Variants in LRP1B observed in about 807,000 individuals in gnomAD.
The protein encoded by LRP1B is LDL receptor related protein 1B, also known as low-density lipoprotein receptor-related protein 1B.
Under a neutral mutation model 556.6 loss-of-function variants are expected in LRP1B, and 217 were observed. The ratio of observed to expected loss-of-function variants is 0.39; its 90% CI spans 0.35 to 0.44. The LOEUF (loss-of-function observed/expected upper bound fraction) is 0.44. LRP1B is among the 20% of genes least tolerant of loss of function. The pLI, the probability that LRP1B is intolerant of heterozygous loss-of-function variation, is 1.00. For synonymous variants in LRP1B, 2,047 were observed against 1,865.8 expected (o/e 1.10, Z -2.50); for missense variants, 5,053 against 5,620.8 (o/e 0.90, Z 3.23).
At chr2:140,807,592 C>G (rs1207539726) in intron 32 of LRP1B, among the ~76,000 whole-genome samples, 3 of 149,040 alleles carry the variant, frequency 2.0e-5, no homozygotes, top group African/African-American at 7.4e-5. Context: ...ATCTCGTGAT[C>G]CACCTGCCTC....
chr2:141,394,321 A>G (rs1205196317), intron 3 of LRP1B, among the ~76,000 whole-genome samples: 1 of 152,136 alleles, frequency 6.6e-6, no homozygotes, highest in Admixed American at 6.6e-5. Context: ...TTAAGAGATT[A>G]TGAAAAATGG....
intron 1 of LRP1B, among the ~76,000 whole-genome samples, chr2:142,057,971 A>G (rs543886158): frequency 1.1e-3 from 173 of 152,184 alleles, no homozygotes; most frequent in African/African-American, 3.8e-3. Context: ...TTTATATTCA[A>G]AGTCAGGATT....
chr2:141,109,687 T>C (rs995649665), intron 7 of LRP1B, among the ~76,000 whole-genome samples: 1 of 150,148 alleles, frequency 6.7e-6, no homozygotes, highest in African/African-American at 2.5e-5. Flanking sequence ...AAAAATACTT[T>C]GGAGGATAAG....
rs1687154996 is a variant in LRP1B at position 140,457,615 on chromosome 2, G to T, written c.9662C>A (p.Thr3221Lys). ...NQDIPGVIAL[T>K]LFEDYIYWTD... ...CCAGTAGATGTAGTCTTCAAACAAT[G>T]TTAGTGCAATCACCCCTGGAATATC... is the stretch of plus-strand genomic sequence containing the variant. The change falls in exon 61 of 91, where the codon ACA becomes AAA. Residue 3221 changes from threonine (T) to lysine (K), a missense_variant. Physicochemically the swap from Thr to Lys is moderately conservative, Grantham distance 78. Around this residue, in one of 5 missense-constraint regions of LRP1B, gnomAD observed 262 missense variants for 395.1 expected, o/e 0.66. Coordinates refer to ENST00000389484, the MANE Select transcript of LRP1B (RefSeq NM_018557.3). 6.2e-7 allele frequency: 1 copy of T among 1,613,614 alleles called. No homozygotes were observed.
chr2:140,333,693 T>C (rs1038865123), intron 79 of LRP1B, among the ~76,000 whole-genome samples: 1 of 152,026 alleles, frequency 6.6e-6, no homozygotes, highest in Non-Finnish European at 1.5e-5. Context: ...TGTGGAGGTA[T>C]AGTCGGTGGA....
At chr2:140,848,046 A>G (rs1397491383) in intron 29 of LRP1B, among the ~76,000 whole-genome samples, 1 of 152,098 alleles carries the variant, frequency 6.6e-6, no homozygotes, top group East Asian at 1.9e-4. Flanking sequence ...TTTGCTCTTT[A>G]TAATTCACAG....
intron 2 of LRP1B, among the ~76,000 whole-genome samples, chr2:141,694,789 G>A (rs1348031127): frequency 5.3e-5 from 8 of 151,982 alleles, no homozygotes; most frequent in African/African-American, 1.9e-4. Flanking sequence ...GATGAGAAAG[G>A]CATCTTGTTG....
chr2:141,331,118 G>A (rs745712057), intron 3 of LRP1B, among the ~76,000 whole-genome samples: 1 of 152,120 alleles, frequency 6.6e-6, no homozygotes, highest in Non-Finnish European at 1.5e-5. Flanking sequence ...TTTGGCATTG[G>A]TGTGAGAGGT....
At position 140,716,711 on chromosome 2, in the gene LRP1B, A is replaced by G; in HGVS notation, c.5864T>C (p.Val1955Ala). 3.7e-6 allele frequency: 6 copies of G among 1,610,326 alleles called. No individual in the cohort carries two copies. The highest frequency in any genetic ancestry group is 5.1e-6 in the Non-Finnish European group (6 of 1,177,988). The change falls in exon 36 of 91, where the codon GTG becomes GCG. Residue 1955 changes from valine to alanine, a missense_variant. Coordinates refer to ENST00000389484, the MANE Select transcript of LRP1B (RefSeq NM_018557.3). The part of the protein sequence containing the change: ...EDIITNGLGR[V>A]EGIAVDWIAG... ...AATCCAGTCAACAGCTATCCCTTCC[A>G]CTCTTCCCAAGCCATTGGTAATGAT... is the stretch of plus-strand genomic sequence containing the variant.
chr2:140,405,997 G>A (rs900354098), intron 66 of LRP1B, among the ~76,000 whole-genome samples: 1 of 152,026 alleles, frequency 6.6e-6, no homozygotes, highest in Admixed American at 6.6e-5. Flanking sequence ...TACATCATGA[G>A]CAAGTGTGTT....
chr2:141,410,217 C>A (rs577269845), intron 3 of LRP1B, among the ~76,000 whole-genome samples: 1 of 151,996 alleles, frequency 6.6e-6, no homozygotes, highest in Non-Finnish European at 1.5e-5. Context: ...TACTATTACA[C>A]GTCTTTTTAA....
At chr2:142,102,679 G>A (rs1379598902) in intron 1 of LRP1B, among the ~76,000 whole-genome samples, 1 of 151,730 alleles carries the variant, frequency 6.6e-6, no homozygotes, top group African/African-American at 2.4e-5. Flanking sequence ...ACAAAATTGG[G>A]TCATGGAAGA....
chr2:141,414,365 G>A (rs1691002355), intron 3 of LRP1B, among the ~76,000 whole-genome samples: 1 of 94,280 alleles, frequency 1.1e-5, no homozygotes, highest in Non-Finnish European at 2.2e-5. Flanking sequence ...GGGAGGAAGA[G>A]CGGAAAGGAG....
At chr2:140,317,832 G>A (rs766555637) in intron 82 of LRP1B, among the ~76,000 whole-genome samples, 4 of 151,984 alleles carry the variant, frequency 2.6e-5, no homozygotes, top group Non-Finnish European at 5.9e-5. Flanking sequence ...TTACTATAAC[G>A]TGCCTCATTA....
chr2:140,598,490 G>T, intron 43 of LRP1B, 141 bp downstream of exon 43: 1 of 647,950 alleles, frequency 1.5e-6, no homozygotes, highest in Non-Finnish European at 2.6e-6. Context: ...GTGTGTGATA[G>T]ATTAGTTATT....
At chr2:142,016,074 G>A (rs1237420002) in intron 1 of LRP1B, among the ~76,000 whole-genome samples, 8 of 144,780 alleles carry the variant, frequency 5.5e-5, no homozygotes, top group African/African-American at 7.7e-5. Flanking sequence ...TAACAAACAT[G>A]AAAAAAAGCT....
At chr2:141,467,234 G>A (rs1430927405) in intron 3 of LRP1B, among the ~76,000 whole-genome samples, 1 of 151,346 alleles carries the variant, frequency 6.6e-6, no homozygotes, top group Non-Finnish European at 1.5e-5. Context: ...AGCCAATTAC[G>A]TGGGTAATAG....
chr2:140,241,079 A>T (rs1680927286), intron 87 of LRP1B, among the ~76,000 whole-genome samples: 1 of 151,004 alleles, frequency 6.6e-6, no homozygotes, highest in South Asian at 2.1e-4. Context: ...TTCTTCAGAC[A>T]CTTTCTAAAA....
At chr2:142,025,370 G>A (rs1475404601) in intron 1 of LRP1B, among the ~76,000 whole-genome samples, 1 of 152,052 alleles carries the variant, frequency 6.6e-6, no homozygotes, top group Non-Finnish European at 1.5e-5. Context: ...GTCAGACCAT[G>A]GTACTAATCC....
Sources: gnomAD v4.1 joint callset for allele counts (sites outside exome capture counted in the v4.1 genomes callset) on GRCh38, gnomAD v4.1.1 for gene constraint, gnomAD v4.1.1 regional missense constraint, MANE v1.5 for transcripts, NCBI Gene and HGNC (gene_info 2026-07-23, HGNC 2026-07-21) for gene names.